The following MICU3 variants were observed in gnomAD, a reference collection of about 807,000 sequenced individuals.
MICU3 encodes the protein calcium uptake protein 3, mitochondrial.
Under a neutral mutation model 66.5 loss-of-function variants are expected in MICU3, and 62 were observed. The ratio of observed to expected loss-of-function variants is 0.93; its 90% CI spans 0.76 to 1.15. MICU3 has a LOEUF of 1.15. Ranked by LOEUF, MICU3 falls within the 50% of genes most tolerant of loss-of-function variation. MICU3 has a pLI of 0.00. For synonymous variants in MICU3, 308 were observed against 240.7 expected, an observed-to-expected ratio of 1.28 and a Z score of -2.59; for missense variants, 779 against 664.4, an observed-to-expected ratio of 1.17 and a Z score of -1.90.
At position 17,054,738 on chromosome 8, in the gene MICU3, C is replaced by CTTTTTTTTTT. The variant is rs559605289; in HGVS notation, c.382-9336_382-9327dup. 6.5e-5 allele frequency among the ~76,000 whole-genome samples: 8 copies of CTTTTTTTTTT among 122,740 alleles called. 1 individual carries two copies. The East Asian group carries it at 1.0e-3, about 16-fold the overall frequency. 80.5% of individuals were successfully genotyped at this position (122,740 alleles called of 152,430 possible). A position where few individuals can be genotyped will look rare whatever the true frequency, so the allele number is the denominator to read the frequency against. ...GTTTTCTTTTTCTTTTTCTTTCTTT[C>CTTTTTTTTTT]TTTTTTTTTTTTTTTTTTTGAGACA... is the stretch of plus-strand genomic sequence containing the variant. On this transcript the variant is annotated intron_variant, in intron 1 of 14. Coordinates refer to ENST00000318063, the MANE Select transcript of MICU3 (RefSeq NM_181723.3).
chr8:17,093,135 C>G (rs1487566913), intron 8 of MICU3, among the ~76,000 whole-genome samples: 1 of 152,002 alleles, frequency 6.6e-6, no homozygotes, highest in Non-Finnish European at 1.5e-5. Flanking sequence ...TACCTTATAA[C>G]CTTTTCTGTT....
intron 1 of MICU3, among the ~76,000 whole-genome samples, chr8:17,042,357 A>G (rs1801498150): frequency 6.6e-6 from 1 of 152,352 alleles, no homozygotes; most frequent in Middle Eastern, 3.4e-3. Context: ...ACTTCATTTT[A>G]TGTAAACACT....
intron 9 of MICU3, among the ~76,000 whole-genome samples, chr8:17,103,118 G>A (rs1563382090): frequency 6.6e-6 from 1 of 151,934 alleles, no homozygotes; most frequent in East Asian, 1.9e-4. Context: ...AAGGGGACAT[G>A]TGCAGGGGAA....
At chr8:17,112,915 C>A (rs1449256846) in intron 11 of MICU3, among the ~76,000 whole-genome samples, 2 of 152,122 alleles carry the variant, frequency 1.3e-5, no homozygotes, top group African/African-American at 4.8e-5. Flanking sequence ...GTCCTCCTAA[C>A]TGATTCAAAC....
In MICU3 at chr8:17,085,425, C is replaced by T; in HGVS notation, c.777+107C>T. On this transcript the variant is annotated intron_variant, in intron 6 of 14. Coordinates refer to ENST00000318063, the MANE Select transcript of MICU3 (RefSeq NM_181723.3). ...CTACTGTAGAGAAAAGAGTGAAAAA[C>T]TTACGCTTTTGCCTTTACTTAATAA... 6.5e-6 allele frequency: 4 copies of T among 619,060 alleles called. No homozygotes were observed. The Middle Eastern group carries it at 8.4e-4, about 130-fold the overall frequency. The allele number at this position is 619,060 out of a possible 1,614,324, so 38.3% of individuals were successfully genotyped here.
intron 3 of MICU3, among the ~76,000 whole-genome samples, chr8:17,069,973 A>G (rs1407084855): frequency 6.6e-6 from 1 of 152,036 alleles, no homozygotes; most frequent in Non-Finnish European, 1.5e-5. Flanking sequence ...CACTTTGGAA[A>G]ACAATTTGGC....
intron 3 of MICU3, among the ~76,000 whole-genome samples, chr8:17,076,964 C>T (rs370573002): frequency 6.6e-6 from 1 of 152,104 alleles, no homozygotes; most frequent in Non-Finnish European, 1.5e-5. Context: ...GTTATCTCAC[C>T]GTCTTTTAAT....
intron 1 of MICU3, among the ~76,000 whole-genome samples, chr8:17,055,206 A>G (rs1816744291): frequency 6.6e-6 from 1 of 152,190 alleles, no homozygotes; most frequent in African/African-American, 2.4e-5. Flanking sequence ...TCTGCAGGAG[A>G]TGAAATGTAT....
At chr8:17,126,461 CA>C (rs908096073), downstream of MICU3, among the ~76,000 whole-genome samples, 18 of 152,054 alleles carry the variant, frequency 1.2e-4, no homozygotes, top group African/African-American at 4.1e-4. Context: ...AATCGGCATC[CA>C]AAACAACATA....
At chr8:17,119,134 ATCTCATTTAAT>A (rs1802975527) in intron 14 of MICU3, among the ~76,000 whole-genome samples, 1 of 152,148 alleles carries the variant, frequency 6.6e-6, no homozygotes, top group South Asian at 2.1e-4. Context: ...CACAGGTAGT[ATCTCATTTAAT>A]TCTCACAGAT....
At chr8:17,064,332 G>C in intron 2 of MICU3, 95 bp downstream of exon 2, 2 of 866,548 alleles carry the variant, frequency 2.3e-6, no homozygotes, top group Admixed American at 5.4e-5. Flanking sequence ...TAGAAGAACT[G>C]AGTAATGTGG....
At chr8:17,091,778 G>A (rs1375550449) in intron 8 of MICU3, among the ~76,000 whole-genome samples, 2 of 152,046 alleles carry the variant, frequency 1.3e-5, no homozygotes. Context: ...GGATTACTCT[G>A]TTAATGATTT....
chr8:17,131,062 G>C, the MICU3 span: 2 of 152,220 alleles, frequency 1.3e-5, no homozygotes, highest in African/African-American at 4.8e-5. Context: ...AAGACAAGGA[G>C]TATTACCAGA....
In MICU3 at chr8:17,120,574, G is replaced by A. The variant is rs781152673; in HGVS notation, c.*287G>A. ...CCTTCAGAAGTATATAGATACTTCC[G>A]GTGACTACATATGAATGTACTTTCA... On this transcript the variant is annotated 3_prime_UTR_variant, in exon 15 of 15. Coordinates refer to ENST00000318063, the MANE Select transcript of MICU3 (RefSeq NM_181723.3). 4.6e-5 allele frequency: 7 copies of A among 152,028 alleles called. No homozygotes were observed. The highest frequency in any genetic ancestry group is 3.9e-4 in the East Asian group (2 of 5,184). The allele number at this position is 152,028 out of a possible 1,614,324, so 9.4% of individuals were successfully genotyped here.
At chr8:17,102,694 TAAGAAGCTTATTC>T (rs1801373322) in intron 9 of MICU3, 1 of 151,968 alleles carries the variant, frequency 6.6e-6, no homozygotes, top group Non-Finnish European at 1.5e-5. Context: ...TCAAGTTTCA[TAAGAAGCTTATTC>T]AAGAAGATGC....
rs766989308 is a variant in MICU3 at position 17,114,090 on chromosome 8, T to C, written c.1258-3T>C. 1.0e-5 allele frequency: 16 copies of C among 1,592,106 alleles called. No homozygotes were observed. The highest frequency in any genetic ancestry group is 4.5e-5 in the South Asian group (4 of 88,236). On this transcript the variant is annotated splice_polypyrimidine_tract_variant and splice_region_variant and intron_variant, in intron 11 of 14. Transcript: ENST00000318063. ...TGTATTTTCATTTCCTTTCCCAATA[T>C]AGGGCATCACATTTGATGAATTCAG...
intron 2 of MICU3, among the ~76,000 whole-genome samples, chr8:17,065,411 C>G (rs1818525736): frequency 1.3e-5 from 2 of 152,030 alleles, no homozygotes; most frequent in African/African-American, 4.8e-5. Context: ...TGCATTATTG[C>G]TAATTCATAG....
chr8:17,064,433 A>G (rs1426589132), intron 2 of MICU3, among the ~76,000 whole-genome samples, 196 bp downstream of exon 2: 2 of 152,140 alleles, frequency 1.3e-5, no homozygotes, highest in African/African-American at 4.8e-5. Context: ...GAAACTTTCA[A>G]TTGCTCCATC....
rs144383587 is a variant in MICU3, at chr8:17,076,047, G to A, written c.568-1736G>A. ...TTTAAGTTTTTTTATATTTTTTTGA[G>A]ACAGGTCTCACTCTGTTTGCCTAGG... On this transcript the variant is annotated intron_variant, in intron 3 of 14. Coordinates refer to ENST00000318063, the MANE Select transcript of MICU3 (RefSeq NM_181723.3). 7.9e-5 allele frequency among the ~76,000 whole-genome samples: 12 copies of A among 152,062 alleles called. No homozygotes were observed. The East Asian group carries it at 2.1e-3, about 27-fold the overall frequency.
Sources: gnomAD v4.1 joint callset for allele counts (sites outside exome capture counted in the v4.1 genomes callset) on GRCh38, gnomAD v4.1.1 for gene constraint, MANE v1.5 for transcripts, NCBI Gene and HGNC (gene_info 2026-07-23, HGNC 2026-07-21) for gene names.